FNIP1: variants seen among roughly 807,000 people sequenced by gnomAD.
FNIP1 encodes folliculin-interacting protein 1.
FNIP1 carries 40 observed loss-of-function variants against 124.5 expected under a neutral mutation model. The ratio of observed to expected loss-of-function variants is 0.32; its 90% CI spans 0.25 to 0.42. The LOEUF is 0.42. Among genes scored for constraint, FNIP1 ranks in the 10% least tolerant of loss-of-function variants. The probability of loss-of-function intolerance (pLI) is 1.00; values close to 1 mark genes in which losing one functional copy is unlikely to be tolerated. For missense variants in FNIP1, 1,176 were observed against 1,403.7 expected, an observed-to-expected ratio of 0.84 and a Z score of 2.59; for synonymous variants, 472 against 470.6, an observed-to-expected ratio of 1.00 and a Z score of -0.04.
chr5:131,715,081 G>A (rs1769421209), intron 6 of FNIP1, among the ~76,000 whole-genome samples: 1 of 152,216 alleles, frequency 6.6e-6, no homozygotes, highest in Admixed American at 6.5e-5. Flanking sequence ...TTTAAAGTCA[G>A]TAGTATGTAA....
chr5:131,739,358 G>A (rs959274850), intron 2 of FNIP1, among the ~76,000 whole-genome samples: 2 of 152,094 alleles, frequency 1.3e-5, no homozygotes, highest in Non-Finnish European at 2.9e-5. Flanking sequence ...ATAGTAAGTA[G>A]TAACAGTATG....
chr5:131,644,570 T>C lies in FNIP1; in HGVS notation c.*115A>G. 1 of 834,722 alleles carries C rather than the reference T, an allele frequency of 1.2e-6. No homozygotes were observed. The highest frequency in any genetic ancestry group is 2.0e-6 in the Non-Finnish European group (1 of 512,230). The allele number at this position is 834,722 out of a possible 1,614,324, so 51.7% of individuals were successfully genotyped here. On this transcript the variant is annotated 3_prime_UTR_variant, in exon 18 of 18. Transcript: ENST00000510461. ...ATGCTATGCAGAATACCCTGGTGAC[T>C]GACTCATTCAGATGGAAGTCTAAAA...
At chr5:131,735,202 C>T (rs1207579844) in intron 2 of FNIP1, among the ~76,000 whole-genome samples, 5 of 151,556 alleles carry the variant, frequency 3.3e-5, no homozygotes, top group African/African-American at 4.9e-5. Context: ...AGCAAACTAT[C>T]GCAAGGACAA....
intron 2 of FNIP1, among the ~76,000 whole-genome samples, chr5:131,735,660 G>T (rs1770275547): frequency 6.7e-6 from 1 of 149,272 alleles, no homozygotes; most frequent in Admixed American, 6.7e-5. Flanking sequence ...ACATATATAT[G>T]TATATATACG....
At chr5:131,748,571 C>T (rs1453275592) in intron 1 of FNIP1, among the ~76,000 whole-genome samples, 1 of 151,726 alleles carries the variant, frequency 6.6e-6, no homozygotes, top group Non-Finnish European at 1.5e-5. Context: ...GTGGCATGCA[C>T]CTGTAGTCCC....
intron 1 of FNIP1, among the ~76,000 whole-genome samples, chr5:131,782,167 TA>T (rs1772016505): frequency 6.6e-6 from 1 of 150,656 alleles, no homozygotes; most frequent in Admixed American, 6.6e-5. Context: ...AAAAGAAAAA[TA>T]AAAAGAAGGA....
intron 1 of FNIP1, among the ~76,000 whole-genome samples, chr5:131,760,113 G>A (rs974005766): frequency 1.3e-5 from 2 of 152,120 alleles, no homozygotes; most frequent in African/African-American, 2.4e-5. Context: ...AGCATGGGTG[G>A]AAAACTACCT....
intron 13 of FNIP1, among the ~76,000 whole-genome samples, chr5:131,676,507 C>T (rs1185484813): frequency 6.6e-6 from 1 of 151,998 alleles, no homozygotes; most frequent in African/African-American, 2.4e-5. Context: ...CTTGTAATCC[C>T]AGCACCTTGG....
intron 1 of FNIP1, among the ~76,000 whole-genome samples, chr5:131,781,789 C>T (rs576105501): frequency 2.4e-4 from 36 of 151,998 alleles, no homozygotes; most frequent in African/African-American, 8.0e-4. Context: ...CTGCAGCCTA[C>T]GGATCAAGGA....
intron 11 of FNIP1, among the ~76,000 whole-genome samples, chr5:131,685,218 C>T (rs1768233583): frequency 6.6e-6 from 1 of 151,934 alleles, no homozygotes; most frequent in South Asian, 2.1e-4. Flanking sequence ...CATAGTAACC[C>T]CATTATACAA....
intron 1 of FNIP1, among the ~76,000 whole-genome samples, chr5:131,766,643 C>A (rs1390972127): frequency 6.6e-6 from 1 of 152,172 alleles, no homozygotes; most frequent in Non-Finnish European, 1.5e-5. Flanking sequence ...GACAGGCCAT[C>A]TGCAAGGTGG....
intron 15 of FNIP1, among the ~76,000 whole-genome samples, chr5:131,669,730 CAAAATA>C (rs1767696406): frequency 1.3e-5 from 2 of 151,760 alleles, no homozygotes; most frequent in Admixed American, 1.3e-4. Flanking sequence ...TTCGGTTAAA[CAAAATA>C]AAAATAAAAA....
At chr5:131,794,499 A>G (rs1463948193) in intron 1 of FNIP1, among the ~76,000 whole-genome samples, 3 of 152,202 alleles carry the variant, frequency 2.0e-5, no homozygotes, top group African/African-American at 7.2e-5. Context: ...ATATATGTCC[A>G]CATAAAGATT....
chr5:131,665,065 T>C (rs1309910003), intron 15 of FNIP1, among the ~76,000 whole-genome samples: 1 of 152,006 alleles, frequency 6.6e-6, no homozygotes, highest in Non-Finnish European at 1.5e-5. Context: ...TAAATACACA[T>C]ACATACAGAA....
At chr5:131,780,125 CTAAAA>C (rs539857159) in intron 1 of FNIP1, among the ~76,000 whole-genome samples, 104 of 152,126 alleles carry the variant, frequency 6.8e-4, no homozygotes, top group African/African-American at 2.4e-3. Flanking sequence ...TCAAAGCCCA[CTAAAA>C]TGACAGTAAA....
chr5:131,782,429 C>A (rs892545461), intron 1 of FNIP1, among the ~76,000 whole-genome samples: 2 of 151,912 alleles, frequency 1.3e-5, no homozygotes, highest in African/African-American at 4.8e-5. Context: ...AAAAATTGGC[C>A]GGGTGTGGCA....
At chr5:131,734,759 G>A (rs2149553182) in intron 2 of FNIP1, among the ~76,000 whole-genome samples, 2 of 152,270 alleles carry the variant, frequency 1.3e-5, no homozygotes, top group South Asian at 4.1e-4. Context: ...AAACCACAAT[G>A]AGATATCTCA....
chr5:131,695,058 T>A (rs1289307924), intron 11 of FNIP1, among the ~76,000 whole-genome samples: 5 of 151,974 alleles, frequency 3.3e-5, no homozygotes, highest in Non-Finnish European at 5.9e-5. Context: ...TGAGTTGAGA[T>A]CGTGCTACTG....
intron 15 of FNIP1, among the ~76,000 whole-genome samples, chr5:131,654,940 A>T (rs190641612): frequency 1.2e-3 from 182 of 152,342 alleles, no homozygotes; most frequent in African/African-American, 4.2e-3. Flanking sequence ...ATATTTATTC[A>T]TCTCTTGCCA....
Sources: gnomAD v4.1 joint callset for allele counts (sites outside exome capture counted in the v4.1 genomes callset) on GRCh38, gnomAD v4.1.1 for gene constraint, MANE v1.5 for transcripts, NCBI Gene and HGNC (gene_info 2026-07-23, HGNC 2026-07-21) for gene names.